The following WAC variants were observed in gnomAD, a reference collection of about 807,000 sequenced individuals.
WAC encodes the protein WW domain containing adaptor with coiled-coil.
In WAC, 11 loss-of-function variants were observed where a neutral mutation model predicts 79.6. The observed-to-expected ratio is 0.14, with a 90% CI of 0.09 to 0.23. WAC has a LOEUF of 0.23. Among genes scored for constraint, WAC ranks in the 10% least tolerant of loss-of-function variants. The pLI is 1.00. For synonymous variants in WAC, 304 were observed against 276.9 expected (o/e 1.10, Z -0.97); for missense variants, 728 against 773.5 (o/e 0.94, Z 0.70).
In WAC at chr10:28,546,287, A is replaced by C. The variant is rs545738429; in HGVS notation, c.274+10530A>C. Among the ~76,000 whole-genome samples, 5 of 152,350 alleles carry C rather than the reference A, an allele frequency of 3.3e-5. No individual in the cohort carries two copies. The South Asian group carries it at 1.0e-3, about 32-fold the overall frequency. On this transcript the variant is annotated intron_variant, in intron 3 of 13. Transcript: ENST00000354911. ...GGAGTACTTTGGTTACGATGAAGAG[A>C]GGATCATGATGAAATATTTCTGCAT...
chr10:28,614,459 C>G (rs1038238052), intron 10 of WAC, 108 bp from the exon 11 acceptor site: 1 of 941,172 alleles, frequency 1.1e-6, no homozygotes, highest in Admixed American at 2.1e-5. Context: ...ATCTAAGTTT[C>G]AGAACTTGAC....
rs535438350 is a variant in WAC at position 28,545,786 on chromosome 10, C to A, written c.274+10029C>A. Among the ~76,000 whole-genome samples, 3 of 152,310 alleles carry A rather than the reference C, an allele frequency of 2.0e-5. No individual in the cohort carries two copies. In the South Asian group the frequency reaches 6.2e-4, roughly 32 times the overall value. On this transcript the variant is annotated intron_variant, in intron 3 of 13. Transcript: ENST00000354911. ...CTAATGCCCAGCAGTAGAGAAGTTT[C>A]TAATTGGACAGGCCAGTGAGATACA...
chr10:28,548,832 A>T (rs1449920800), intron 3 of WAC, among the ~76,000 whole-genome samples: 1 of 152,146 alleles, frequency 6.6e-6, no homozygotes, highest in Non-Finnish European at 1.5e-5. Flanking sequence ...CTACGTGTAT[A>T]TTGAGCATTT....
intron 3 of WAC, among the ~76,000 whole-genome samples, chr10:28,550,709 A>G (rs1442508577): frequency 6.6e-6 from 1 of 152,212 alleles, no homozygotes; most frequent in African/African-American, 2.4e-5. Context: ...ACTACTACAG[A>G]GTTCCTATAG....
intron 8 of WAC, 36 bp from the exon 9 acceptor site, chr10:28,610,663 G>T: frequency 6.3e-7 from 1 of 1,575,970 alleles, no homozygotes. Flanking sequence ...TAAGCCTCTT[G>T]TTTTTATATG....
intron 9 of WAC, chr10:28,611,063 T>C (rs1360350631): frequency 1.8e-6 from 1 of 570,794 alleles, no homozygotes; most frequent in Non-Finnish European, 2.9e-6. Context: ...TCTGTAATTA[T>C]TTAAGACAGT....
intron 3 of WAC, among the ~76,000 whole-genome samples, chr10:28,547,302 A>G (rs7924241): frequency 0.26 from 39,409 of 152,012 alleles, 5,408 homozygotes; most frequent in Non-Finnish European, 0.28. Context: ...TGGGAGGGCA[A>G]GGTGGGCGGA....
intron 4 of WAC, among the ~76,000 whole-genome samples, chr10:28,586,348 T>C (rs1003711464): frequency 1.3e-5 from 2 of 152,028 alleles, no homozygotes; most frequent in South Asian, 4.1e-4. Context: ...TGGTAAAGAT[T>C]AGGAAAAGCT....
Position 28,622,920 on chromosome 10 carries a change from T to G in WAC, c.*3314T>G, listed in dbSNP as rs138158200. The G allele has an allele frequency of 6.6e-6, 1 of 152,330 alleles. No homozygotes were observed. Among genetic ancestry groups the G allele is most frequent in the Non-Finnish European group, 1.5e-5 (1 of 68,030 alleles). The allele number at this position is 152,330 out of a possible 1,614,324, so 9.4% of individuals were successfully genotyped here. ...AGATGTTGGGTTTGAATATACAGAT[T>G]TCTTTTCAATACCTGTAAATATGGC... On this transcript the variant is annotated 3_prime_UTR_variant, in exon 14 of 14. Coordinates refer to ENST00000354911, the MANE Select transcript of WAC (RefSeq NM_016628.5).
intron 3 of WAC, among the ~76,000 whole-genome samples, chr10:28,550,250 A>G (rs900039636): frequency 2.7e-5 from 4 of 149,748 alleles, no homozygotes; most frequent in Non-Finnish European, 5.9e-5. Context: ...TGCCTTCTCT[A>G]TAATCTAGTC....
chr10:28,533,168 C>T lies in WAC; in HGVS notation c.-412C>T, dbSNP rs1836365272. 5.9e-6 allele frequency: 1 copy of T among 168,316 alleles called. No homozygotes were observed. The highest frequency in any genetic ancestry group is 1.3e-5 in the Non-Finnish European group (1 of 78,924). The allele number at this position is 168,316 out of a possible 1,614,324, so 10.4% of individuals were successfully genotyped here. On this transcript the variant is annotated 5_prime_UTR_variant, in exon 1 of 14. Transcript: ENST00000354911. ...GCGGCAGCGGCGGCACCAGCGGCGG[C>T]GGCGGCGGCGGGAGGAGGAGGAGGA... is the stretch of plus-strand genomic sequence containing the variant.
chr10:28,566,547 TGTATTCTGTA>T (rs1468261821), intron 3 of WAC, among the ~76,000 whole-genome samples: 2 of 152,220 alleles, frequency 1.3e-5, no homozygotes, highest in Non-Finnish European at 2.9e-5. Flanking sequence ...TATGATTGTC[TGTATTCTGTA>T]GTTTCCTCTC....
chr10:28,561,175 T>A (rs565084093), intron 3 of WAC, among the ~76,000 whole-genome samples: 6 of 152,296 alleles, frequency 3.9e-5, no homozygotes, highest in Middle Eastern at 3.4e-3. Context: ...CTTGGGAATA[T>A]TTCAAAATAT....
chr10:28,577,227 GTTCGTGTGTACAAAT>G (rs1225645645), intron 3 of WAC, among the ~76,000 whole-genome samples: 2 of 152,132 alleles, frequency 1.3e-5, no homozygotes, highest in Admixed American at 6.6e-5. Flanking sequence ...AGTTGTATTG[GTTCGTGTGTACAAAT>G]TTTTTTTAGT....
At position 28,571,037 on chromosome 10, in the gene WAC, A is replaced by G. The variant is rs559523890; in HGVS notation, c.275-12362A>G. ...AGTGGCGCGATCTTGGCTCACTGCA[A>G]CCTCGGCCTCCTGGGTTCAGACGAT... On this transcript the variant is annotated intron_variant, in intron 3 of 13. Coordinates refer to ENST00000354911, the MANE Select transcript of WAC (RefSeq NM_016628.5). 3.1e-5 allele frequency among the ~76,000 whole-genome samples: 4 copies of G among 129,594 alleles called. No individual in the cohort carries two copies. The East Asian group carries it at 7.3e-4, about 24-fold the overall frequency. The allele number at this position is 129,594 out of a possible 152,430, so 85.0% of individuals were successfully genotyped here. A position where few individuals can be genotyped will look rare whatever the true frequency, so the allele number is the denominator to read the frequency against.
chr10:28,550,766 A>G (rs891322964), intron 3 of WAC, among the ~76,000 whole-genome samples: 1 of 152,212 alleles, frequency 6.6e-6, no homozygotes, highest in Non-Finnish European at 1.5e-5. Flanking sequence ...GGAAGCAAAT[A>G]GTCTATTCAG....
chr10:28,575,605 T>C (rs530017089), intron 3 of WAC, among the ~76,000 whole-genome samples: 4 of 152,368 alleles, frequency 2.6e-5, no homozygotes, highest in African/African-American at 9.6e-5. Flanking sequence ...ATCTTTGATA[T>C]GCGCTTTGGC....
chr10:28,557,943 A>G (rs746567331), intron 3 of WAC, among the ~76,000 whole-genome samples: 61 of 151,778 alleles, frequency 4.0e-4, no homozygotes, highest in Non-Finnish European at 7.8e-4. Context: ...GTGTGGTGGC[A>G]GGCGCCTGTA....
rs554373356 is a variant in WAC, at chr10:28,553,618, G to C, written c.274+17861G>C. Among the ~76,000 whole-genome samples the C allele has an allele frequency of 4.6e-5, 7 of 152,218 alleles. No homozygotes were observed. The South Asian group carries it at 1.5e-3, about 32-fold the overall frequency. On this transcript the variant is annotated intron_variant, in intron 3 of 13. Coordinates refer to ENST00000354911, the MANE Select transcript of WAC (RefSeq NM_016628.5). The stretch of plus-strand genomic sequence containing the variant: ...ATAGTGCCGTTTAAGATTGAGGGAA[G>C]GGTTGTTACTGTTTTAAGTTAAAGT...
Sources: allele counts gnomAD v4.1 joint callset (sites outside exome capture counted in the v4.1 genomes callset), GRCh38; gene constraint gnomAD v4.1.1; transcripts MANE v1.5; gene names NCBI Gene and HGNC (gene_info 2026-07-23, HGNC 2026-07-21).